RNF123: variants seen among roughly 807,000 people sequenced by gnomAD.
RNF123 encodes the protein ring finger protein 123.
A neutral mutation model predicts 168.5 loss-of-function variants in RNF123; 86 were observed. The ratio of observed to expected loss-of-function variants is 0.51; its 90% CI spans 0.43 to 0.61. RNF123 has a LOEUF of 0.61. Ranked by LOEUF, RNF123 falls within the 20% of genes least tolerant of loss-of-function variation. The probability of loss-of-function intolerance (pLI) is 0.00; values close to 1 mark genes in which losing one functional copy is unlikely to be tolerated. For missense variants in RNF123, 1,419 were observed against 1,729.7 expected, an observed-to-expected ratio of 0.82 and a Z score of 3.19; for synonymous variants, 666 against 689.1, an observed-to-expected ratio of 0.97 and a Z score of 0.52.
chr3:49,703,893 C>T (rs2108187547), intron 21 of RNF123, among the ~76,000 whole-genome samples: 1 of 152,292 alleles, frequency 6.6e-6, no homozygotes, highest in East Asian at 1.9e-4. Context: ...TGGGTCTGTG[C>T]TGTCAGAACC....
chr3:49,693,348 T>C (rs1270138615), intron 3 of RNF123, among the ~76,000 whole-genome samples: 1 of 19,460 alleles, frequency 5.1e-5, no homozygotes, highest in African/African-American at 1.3e-4. Context: ...GTGCCTGGCC[T>C]TTTTTTTTTT....
At chr3:49,713,871 C>T in intron 29 of RNF123, 39 bp from the exon 30 acceptor site, 1 of 1,613,066 alleles carries the variant, frequency 6.2e-7, no homozygotes, top group Non-Finnish European at 8.5e-7. Context: ...AAGCACCATG[C>T]CCAGCCTCAC....
intron 27 of RNF123, 75 bp from the exon 28 acceptor site, chr3:49,713,438 C>T: frequency 7.0e-7 from 1 of 1,437,662 alleles, no homozygotes; most frequent in Non-Finnish European, 9.6e-7. Context: ...CTACCCAAGT[C>T]CACCCACCCT....
intron 26 of RNF123, among the ~76,000 whole-genome samples, chr3:49,709,773 G>A (rs546202473): frequency 3.7e-4 from 56 of 149,424 alleles, no homozygotes; most frequent in African/African-American, 4.9e-4. Flanking sequence ...GGGTTTCACC[G>A]TGTTGGTCAG....
intron 12 of RNF123, 75 bp from the exon 13 acceptor site, chr3:49,700,152 G>T: frequency 1.3e-6 from 2 of 1,588,388 alleles, no homozygotes; most frequent in Non-Finnish European, 1.7e-6. Flanking sequence ...CTTGTGCCTT[G>T]GCCATGTGCC....
Position 49,697,455 on chromosome 3 carries a change from G to T in RNF123, c.340G>T (p.Gly114Trp). 6.2e-7 allele frequency: 1 copy of T among 1,601,912 alleles called. No homozygotes were observed. Among genetic ancestry groups the T allele is most frequent in the African/African-American group, 1.3e-5 (1 of 74,718 alleles). The change falls in exon 5 of 39, where the codon GGG becomes TGG. Residue 114 changes from glycine (G) to tryptophan (W), a missense_variant and splice_region_variant. By Grantham distance (184) the Gly-to-Trp change is radical. Coordinates refer to ENST00000327697, the MANE Select transcript of RNF123 (RefSeq NM_022064.5). ...TCTCCTGGTGGATGATGACCTGCTGGGGGTGAGTGAGGGTGAGGTGTGGAG... is the reference window on the plus strand; with the variant it reads ...TCTCCTGGTGGATGATGACCTGCTGTGGGTGAGTGAGGGTGAGGTGTGGAG... Reference protein sequence around the residue: ...GLLLVDDDLLGVIGHSNFGTI... With the variant: ...GLLLVDDDLLWVIGHSNFGTI...
chr3:49,706,097 C>T (rs989383749), intron 25 of RNF123, 32 bp downstream of exon 25: 3 of 1,586,412 alleles, frequency 1.9e-6, no homozygotes, highest in East Asian at 2.2e-5. Flanking sequence ...TGAGGGGCAG[C>T]TTGCTTACTC....
rs1559694087 is a variant in RNF123, at chr3:49,720,514, A to T, written c.3504A>T (p.Arg1168Ser). The change falls in exon 36 of 39, where the codon AGA (arginine) becomes AGT (serine). Residue 1168 changes from arginine to serine, a missense_variant. This residue lies in a region of RNF123 where 164 missense variants were observed against 152.3 expected (regional missense o/e 1.08). Transcript: ENST00000327697. Reference sequence around the variant, plus strand: ...CCTTGCACCCTCCCCTACCTAGGAGAGAGCAAGCCACATCAGTGCTCCTGG... The same window carrying T: ...CCTTGCACCCTCCCCTACCTAGGAGTGAGCAAGCCACATCAGTGCTCCTGG... ...QLLVRGPASE[R>S]EQATSVLLAD... The T allele has an allele frequency of 6.3e-7, 1 of 1,579,726 alleles. No individual in the cohort carries two copies. The highest frequency in any genetic ancestry group is 1.4e-5 in the African/African-American group (1 of 74,036).
chr3:49,718,791 G>A (rs1400854793), intron 35 of RNF123: 11 of 1,613,186 alleles, frequency 6.8e-6, no homozygotes, highest in Middle Eastern at 1.6e-4. Flanking sequence ...GGTAGAGGCG[G>A]CAGTCGCAAG....
chr3:49,701,541 G>A lies in RNF123; in HGVS notation c.1328G>A (p.Arg443His), dbSNP rs770811607. Reference sequence around the variant, plus strand: ...TTCTTTTACATCAAGAGCCCCCTGCGTGTGGAGGAGGCCGGCCTGCAGGAG... The same window carrying A: ...TTCTTTTACATCAAGAGCCCCCTGCATGTGGAGGAGGCCGGCCTGCAGGAG... The part of the protein sequence containing the change: ...VVFFYIKSPL[R>H]VEEAGLQELI... The change falls in exon 16 of 39, where the codon CGT becomes CAT. Residue 443 changes from arginine (R) to histidine (H), a missense_variant. Around this residue, in one of 5 missense-constraint regions of RNF123, gnomAD observed 349 missense variants for 344.9 expected, o/e 1.01. Coordinates refer to ENST00000327697, the MANE Select transcript of RNF123 (RefSeq NM_022064.5). The A allele has an allele frequency of 1.2e-5, 19 of 1,613,840 alleles. No homozygotes were observed. The highest frequency in any genetic ancestry group is 1.4e-5 in the Non-Finnish European group (17 of 1,180,024).
At chr3:49,695,983 G>A (rs1445442284) in intron 3 of RNF123, among the ~76,000 whole-genome samples, 5 of 152,200 alleles carry the variant, frequency 3.3e-5, no homozygotes, top group African/African-American at 1.2e-4. Context: ...ACCATTTATG[G>A]ACTGGCGGGT....
chr3:49,698,340 C>A, intron 7 of RNF123, 100 bp from the exon 8 acceptor site: 1 of 1,074,080 alleles, frequency 9.3e-7, no homozygotes. Flanking sequence ...ATCATCTGTT[C>A]CCTTCTGTAG....
chr3:49,709,718 C>T (rs976487536), intron 26 of RNF123, among the ~76,000 whole-genome samples: 5 of 152,220 alleles, frequency 3.3e-5, no homozygotes, highest in Admixed American at 6.5e-5. Flanking sequence ...GGGTTACAGG[C>T]GTGAGCCATC....
rs1201462724 is a variant in RNF123, at chr3:49,697,930, G to A, written c.388G>A (p.Val130Met). The A allele has an allele frequency of 3.1e-6, 5 of 1,614,068 alleles. No homozygotes were observed. The highest frequency in any genetic ancestry group is 2.5e-6 in the Non-Finnish European group (3 of 1,180,040). Residue 130 changes from valine to methionine, a missense_variant, in exon 6 of 39, where the codon GTG becomes ATG. Transcript: ENST00000327697. ...TGGCACCATCCGCTCTACCACATGC[G>A]TGTACAAAGGTGAGACCTTACCCTG... ...NFGTIRSTTC[V>M]YKGKWLYEVL...
In RNF123 at chr3:49,691,132, C is replaced by T. The variant is rs752636468; in HGVS notation, c.-34C>T. The T allele has an allele frequency of 9.3e-6, 15 of 1,606,324 alleles. No individual in the cohort carries two copies. Among genetic ancestry groups the T allele is most frequent in the African/African-American group, 1.3e-5 (1 of 74,800 alleles). On this transcript the variant is annotated splice_region_variant and 5_prime_UTR_variant, in exon 2 of 39. Coordinates refer to ENST00000327697, the MANE Select transcript of RNF123 (RefSeq NM_022064.5). The stretch of plus-strand genomic sequence containing the variant: ...GACAGGCTCTGTGTCTGGCTCAGCC[C>T]CCAGGACCACTGGCTGCCCATGAGA...
At chr3:49,696,118 A>G (rs1336022269) in intron 3 of RNF123, among the ~76,000 whole-genome samples, 1 of 152,192 alleles carries the variant, frequency 6.6e-6, no homozygotes, top group East Asian at 1.9e-4. Context: ...AAGGAACCAC[A>G]GGCCTAGGGG....
chr3:49,717,936 G>C, intron 35 of RNF123: 1 of 1,602,004 alleles, frequency 6.2e-7, no homozygotes, highest in Admixed American at 1.7e-5. Context: ...CCTGGGTGGG[G>C]GAGCCCTGGG....
intron 36 of RNF123, 72 bp downstream of exon 36, chr3:49,720,725 G>C (rs1319701128): frequency 5.0e-6 from 8 of 1,610,084 alleles, no homozygotes; most frequent in Non-Finnish European, 6.8e-6. Context: ...GAACAGCAAA[G>C]TCCTAGGCTG....
intron 4 of RNF123, 47 bp downstream of exon 4, chr3:49,697,269 C>A: frequency 6.3e-7 from 1 of 1,599,024 alleles, no homozygotes; most frequent in Non-Finnish European, 8.6e-7. Flanking sequence ...AGAGCTGGGA[C>A]GTAGCGGGCC....
Sources: gnomAD v4.1 joint callset for allele counts (sites outside exome capture counted in the v4.1 genomes callset) on GRCh38, gnomAD v4.1.1 for gene constraint, gnomAD v4.1.1 regional missense constraint, MANE v1.5 for transcripts, NCBI Gene and HGNC (gene_info 2026-07-23, HGNC 2026-07-21) for gene names.